Variants in SEMA6D observed in about 807,000 individuals in gnomAD.
SEMA6D encodes the protein semaphorin-6D.
A neutral mutation model predicts 106.6 loss-of-function variants in SEMA6D; 35 were observed. That is an observed-to-expected ratio of 0.33 (90% CI 0.25 to 0.44). The LOEUF (loss-of-function observed/expected upper bound fraction) is 0.44, where lower values mean the gene tolerates loss of function less well. Among genes scored for constraint, SEMA6D ranks in the 20% least tolerant of loss-of-function variants. The pLI, the probability that SEMA6D is intolerant of heterozygous loss-of-function variation, is 1.00. For synonymous variants in SEMA6D, 499 were observed against 487.7 expected (o/e 1.02, Z -0.31); for missense variants, 1,185 against 1,345.9 (o/e 0.88, Z 1.87).
chr15:47,547,243 A>C (rs2045551659), intron 3 of SEMA6D, among the ~76,000 whole-genome samples: 1 of 152,146 alleles, frequency 6.6e-6, no homozygotes, highest in Non-Finnish European at 1.5e-5. Context: ...CCCAAATTAA[A>C]ACCCACCAGT....
chr15:47,499,237 A>G (rs1206667289), intron 3 of SEMA6D, among the ~76,000 whole-genome samples: 3 of 152,056 alleles, frequency 2.0e-5, no homozygotes, highest in East Asian at 3.9e-4. Context: ...AAGACCAAAG[A>G]TATTTTCTCC....
intron 3 of SEMA6D, among the ~76,000 whole-genome samples, chr15:47,546,671 C>G (rs555655576): frequency 6.6e-6 from 1 of 151,882 alleles, no homozygotes; most frequent in African/African-American, 2.4e-5. Flanking sequence ...GGACCCATGA[C>G]CAGCACCTTG....
At chr15:47,605,516 T>C (rs1426127883) in intron 4 of SEMA6D, among the ~76,000 whole-genome samples, 1 of 152,154 alleles carries the variant, frequency 6.6e-6, no homozygotes, top group Non-Finnish European at 1.5e-5. Flanking sequence ...GGTCAAGGGC[T>C]TAATCCCACA....
intron 3 of SEMA6D, among the ~76,000 whole-genome samples, chr15:47,538,811 G>T (rs2045261661): frequency 6.6e-6 from 1 of 152,130 alleles, no homozygotes; most frequent in Non-Finnish European, 1.5e-5. Context: ...GAACTTTGAT[G>T]TATGTATAGG....
At position 47,760,290 on chromosome 15, in the gene SEMA6D, A is replaced by G. The variant is rs940775150; in HGVS notation, c.110-14A>G. The G allele has an allele frequency of 6.3e-7, 1 of 1,595,170 alleles. No homozygotes were observed. The highest frequency in any genetic ancestry group is 2.2e-5 in the East Asian group (1 of 44,700). On this transcript the variant is annotated splice_polypyrimidine_tract_variant and intron_variant, in intron 2 of 18. Transcript: ENST00000536845. ...ATAATCCTGAATGATGGTTTAGCCC[A>G]TTTTTACTTGCAGATTCAAGGCAAT...
intron 2 of SEMA6D, among the ~76,000 whole-genome samples, chr15:47,415,709 G>C (rs1227800064): frequency 6.6e-6 from 1 of 152,090 alleles, no homozygotes; most frequent in East Asian, 1.9e-4. Context: ...TACAAATGTT[G>C]TAGACAATCA....
chr15:47,461,744 G>A (rs946597179), intron 2 of SEMA6D, among the ~76,000 whole-genome samples: 1 of 152,172 alleles, frequency 6.6e-6, no homozygotes, highest in East Asian at 1.9e-4. Context: ...ATTTAAGAGG[G>A]ATGAGCTAAG....
At chr15:47,741,095 C>T (rs1427266510) in intron 1 of SEMA6D, among the ~76,000 whole-genome samples, 1 of 152,196 alleles carries the variant, frequency 6.6e-6, no homozygotes, top group African/African-American at 2.4e-5. Flanking sequence ...AAAACTCTGA[C>T]AGTATTCTTA....
At position 47,273,672 on chromosome 15, in the gene SEMA6D, G is replaced by A. The variant is rs187250375; in HGVS notation, c.-239+89254G>A. Among the ~76,000 whole-genome samples, 4 of 152,260 alleles carry A rather than the reference G, an allele frequency of 2.6e-5. No homozygotes were observed. The East Asian group carries it at 5.8e-4, about 22-fold the overall frequency. On this transcript the variant is annotated intron_variant, in intron 1 of 19. Coordinates refer to the SEMA6D transcript ENST00000558014. ...TAGCAACCTTTTCTGTGTCATTCAGGTGTAAATTAGTGAATGTTATGTTTC... is the reference window on the plus strand; with the variant it reads ...TAGCAACCTTTTCTGTGTCATTCAGATGTAAATTAGTGAATGTTATGTTTC...
intron 1 of SEMA6D, among the ~76,000 whole-genome samples, chr15:47,246,747 A>C (rs561878987): frequency 1.5e-4 from 23 of 152,264 alleles, no homozygotes; most frequent in African/African-American, 5.5e-4. Context: ...TCCCTAACTC[A>C]ATGTCCTTAA....
intron 4 of SEMA6D, among the ~76,000 whole-genome samples, chr15:47,687,220 CT>C (rs1233768260): frequency 6.6e-6 from 1 of 152,116 alleles, no homozygotes; most frequent in Non-Finnish European, 1.5e-5. Context: ...AATTTTGAGC[CT>C]CTGTGATATG....
intron 3 of SEMA6D, among the ~76,000 whole-genome samples, chr15:47,506,775 A>G (rs1445820313): frequency 6.6e-6 from 1 of 152,208 alleles, no homozygotes; most frequent in Non-Finnish European, 1.5e-5. Context: ...TGCCATACCC[A>G]TTGAGAAGAG....
chr15:47,337,629 A>G (rs958746551), intron 1 of SEMA6D, among the ~76,000 whole-genome samples: 4 of 152,198 alleles, frequency 2.6e-5, no homozygotes, highest in Non-Finnish European at 4.4e-5. Context: ...TATGCTCCTT[A>G]GAGTAATAGT....
chr15:47,201,406 TGTG>T (rs768703527), intron 1 of SEMA6D, among the ~76,000 whole-genome samples: 15 of 152,170 alleles, frequency 9.9e-5, no homozygotes, highest in Non-Finnish European at 2.1e-4. Flanking sequence ...GAAATAGAAA[TGTG>T]GTAAATATAA....
At chr15:47,624,059 C>T (rs958569690) in intron 4 of SEMA6D, among the ~76,000 whole-genome samples, 1 of 152,158 alleles carries the variant, frequency 6.6e-6, no homozygotes, top group African/African-American at 2.4e-5. Flanking sequence ...TTCTCCTGAT[C>T]CCCCTCTGTC....
chr15:47,227,275 C>T (rs925363844), intron 1 of SEMA6D, among the ~76,000 whole-genome samples: 1 of 151,896 alleles, frequency 6.6e-6, no homozygotes, highest in Non-Finnish European at 1.5e-5. Context: ...TTGTTAAAAG[C>T]TTAATTGCTT....
At chr15:47,488,456 TAC>T (rs1381914668) in intron 3 of SEMA6D, among the ~76,000 whole-genome samples, 1 of 150,642 alleles carries the variant, frequency 6.6e-6, no homozygotes, top group Admixed American at 6.6e-5. Flanking sequence ...TATCAAAGCA[TAC>T]AGTTAGATCT....
intron 3 of SEMA6D, among the ~76,000 whole-genome samples, chr15:47,533,041 G>GA (rs1001888636): frequency 3.3e-5 from 5 of 150,924 alleles, no homozygotes; most frequent in South Asian, 2.1e-4. Context: ...AAGTAAAACA[G>GA]AAAAAAAAAG....
intron 1 of SEMA6D, among the ~76,000 whole-genome samples, chr15:47,344,787 C>A (rs1180026908): frequency 6.6e-6 from 1 of 152,040 alleles, no homozygotes; most frequent in East Asian, 1.9e-4. Flanking sequence ...TGTTTGCAGA[C>A]AACATAAATA....
Sources: gnomAD v4.1 joint callset for allele counts (sites outside exome capture counted in the v4.1 genomes callset) on GRCh38, gnomAD v4.1.1 for gene constraint, MANE v1.5 for transcripts, NCBI Gene and HGNC (gene_info 2026-07-23, HGNC 2026-07-21) for gene names.